DTNBP1: variants seen among roughly 807,000 people sequenced by gnomAD.
DTNBP1 encodes dysbindin.
In DTNBP1, 35 loss-of-function variants were observed where a neutral mutation model predicts 42.8. The observed-to-expected ratio is 0.82, with a 90% confidence interval of 0.63 to 1.09. The LOEUF (loss-of-function observed/expected upper bound fraction) is 1.09. DTNBP1 is among the 50% of genes least tolerant of loss of function. DTNBP1 has a pLI of 0.00. For synonymous variants in DTNBP1, 171 were observed against 162.2 expected (o/e 1.05, Z -0.41); for missense variants, 457 against 424.2 (o/e 1.08, Z -0.68).
chr6:15,523,271 C>A, intron 9 of DTNBP1, 52 bp from the exon 10 acceptor site: 1 of 1,610,028 alleles, frequency 6.2e-7, no homozygotes, highest in Non-Finnish European at 8.5e-7. Flanking sequence ...TATTGTGAAT[C>A]AGAATTGCCG....
At position 15,523,043 on chromosome 6, in the gene DTNBP1, T is replaced by C. The variant is rs759761673; in HGVS notation, c.988A>G (p.Thr330Ala). The C allele has an allele frequency of 3.1e-6, 5 of 1,614,074 alleles. No homozygotes were observed. The highest frequency in any genetic ancestry group is 1.7e-6 in the Non-Finnish European group (2 of 1,180,046). Residue 330 changes from threonine (T) to alanine (A), a missense_variant, in exon 10 of 10, where the codon ACT becomes GCT. Physicochemically the swap from Thr to Ala is moderately conservative, Grantham distance 58. Transcript: ENST00000344537. ...TCAGTGTGTGATGTGGCCAGGGCAG[T>C]GTCCACCTGAACTTCCTCCTCATCG... is the stretch of plus-strand genomic sequence containing the variant. Reference protein sequence around the residue: ...QSDEEEVQVDTALATSHTDRE... With the variant: ...QSDEEEVQVDAALATSHTDRE...
At chr6:15,585,973 TA>T in intron 7 of DTNBP1, 1 of 1,303,336 alleles carries the variant, frequency 7.7e-7, no homozygotes, top group African/African-American at 1.5e-5. Context: ...CTACTGCCTC[TA>T]TAAAAGCAAA....
intron 7 of DTNBP1, among the ~76,000 whole-genome samples, chr6:15,546,926 CTTT>C (rs10711026): frequency 1.1e-3 from 127 of 116,112 alleles, no homozygotes; most frequent in Middle Eastern, 8.8e-3. Flanking sequence ...TTCTTTCTTT[CTTT>C]TTTTTTTTTT....
chr6:15,523,072 T>A lies in DTNBP1; in HGVS notation c.959A>T (p.Gln320Leu). The A allele has an allele frequency of 1.9e-6, 3 of 1,614,186 alleles. No individual in the cohort carries two copies. The highest frequency in any genetic ancestry group is 2.5e-6 in the Non-Finnish European group (3 of 1,180,026). Residue 320 changes from glutamine to leucine, a missense_variant, in exon 10 of 10, where the codon CAG (glutamine) becomes CTG (leucine). Physicochemically the swap from Gln to Leu is moderately radical, Grantham distance 113. Coordinates refer to ENST00000344537, the MANE Select transcript of DTNBP1 (RefSeq NM_032122.5). ...CACCTGAACTTCCTCCTCATCGGAC[T>A]GAACAACGGGGGACTCCCCACCCTC... ...ISEGGESPVV[Q>L]SDEEEVQVDT...
chr6:15,540,664 T>G (rs1388868136), intron 7 of DTNBP1, among the ~76,000 whole-genome samples: 1 of 152,126 alleles, frequency 6.6e-6, no homozygotes, highest in Non-Finnish European at 1.5e-5. Flanking sequence ...TTTTTTGACA[T>G]GGAGTCTTGC....
At chr6:15,576,672 G>A (rs529567021) in intron 7 of DTNBP1, among the ~76,000 whole-genome samples, 1 of 151,448 alleles carries the variant, frequency 6.6e-6, no homozygotes, top group African/African-American at 2.4e-5. Flanking sequence ...AGGAGGCTGA[G>A]GCACGAGAAT....
At chr6:15,592,985 C>G in intron 7 of DTNBP1, 74 bp downstream of exon 7, 1 of 1,362,774 alleles carries the variant, frequency 7.3e-7, no homozygotes, top group Non-Finnish European at 1.0e-6. Context: ...TGAGTTTGTT[C>G]ATCATTGTCG....
intron 7 of DTNBP1, among the ~76,000 whole-genome samples, chr6:15,560,988 A>T (rs1459368492): frequency 6.6e-6 from 1 of 152,234 alleles, no homozygotes; most frequent in Non-Finnish European, 1.5e-5. Context: ...TTATTTTGCA[A>T]ACAAATCAAG....
intron 7 of DTNBP1, among the ~76,000 whole-genome samples, chr6:15,590,368 T>C (rs1776247652): frequency 1.3e-5 from 2 of 152,222 alleles, no homozygotes; most frequent in Admixed American, 1.3e-4. Flanking sequence ...ACTTATATTA[T>C]GGATAACCAC....
At chr6:15,590,301 A>T (rs1776244223) in intron 7 of DTNBP1, among the ~76,000 whole-genome samples, 1 of 152,086 alleles carries the variant, frequency 6.6e-6, no homozygotes, top group Non-Finnish European at 1.5e-5. Flanking sequence ...GTCACCAATG[A>T]CCTGTTCATT....
chr6:15,533,609 G>T, intron 7 of DTNBP1: 1 of 735,716 alleles, frequency 1.4e-6, no homozygotes, highest in Non-Finnish European at 2.4e-6. Flanking sequence ...CAGGCCCTTC[G>T]TTCCACACCT....
At chr6:15,545,304 T>C (rs944360888) in intron 7 of DTNBP1, among the ~76,000 whole-genome samples, 1 of 152,200 alleles carries the variant, frequency 6.6e-6, no homozygotes, top group Non-Finnish European at 1.5e-5. Context: ...CAATAATTAG[T>C]TTTCAAAACA....
Position 15,660,438 on chromosome 6 carries a change from C to A in DTNBP1, c.56+2376G>T, listed in dbSNP as rs985079189. 3 of 1,289,686 alleles carry A rather than the reference C, an allele frequency of 2.3e-6. No homozygotes were observed. The South Asian group carries it at 3.7e-5, about 16-fold the overall frequency. The allele number at this position is 1,289,686 out of a possible 1,614,324, so 79.9% of individuals were successfully genotyped here. A position where few individuals can be genotyped will look rare whatever the true frequency, so the allele number is the denominator to read the frequency against. Reference sequence around the variant, plus strand: ...TCCGGGTCTACTGGGAGACTGACATCACTTGGAGATGAGTTGTTTCTCCAC... The same window carrying A: ...TCCGGGTCTACTGGGAGACTGACATAACTTGGAGATGAGTTGTTTCTCCAC... On this transcript the variant is annotated intron_variant, in intron 1 of 9. Transcript: ENST00000344537.
At chr6:15,595,846 G>A (rs568171547) in intron 6 of DTNBP1, among the ~76,000 whole-genome samples, 2 of 152,318 alleles carry the variant, frequency 1.3e-5, no homozygotes, top group East Asian at 3.9e-4. Context: ...CTTCAGAACA[G>A]CAGGCTGAAT....
chr6:15,640,260 T>C (rs1760267164), intron 3 of DTNBP1, among the ~76,000 whole-genome samples: 1 of 152,200 alleles, frequency 6.6e-6, no homozygotes, highest in South Asian at 2.1e-4. Context: ...GTATTACACA[T>C]CTCATGCCGC....
chr6:15,648,547 G>A (rs1760811243), intron 3 of DTNBP1, among the ~76,000 whole-genome samples: 1 of 151,958 alleles, frequency 6.6e-6, no homozygotes, highest in Non-Finnish European at 1.5e-5. Context: ...ACTCAGCAAA[G>A]TATGATATTA....
intron 7 of DTNBP1, among the ~76,000 whole-genome samples, chr6:15,581,968 AG>A (rs1775860654): frequency 6.6e-6 from 1 of 152,160 alleles, no homozygotes; most frequent in African/African-American, 2.4e-5. Context: ...GAATCTTTCC[AG>A]GGTTCTGCAG....
At chr6:15,583,593 A>G (rs2743548) in intron 7 of DTNBP1, among the ~76,000 whole-genome samples, 1 of 152,276 alleles carries the variant, frequency 6.6e-6, no homozygotes, top group Non-Finnish European at 1.5e-5. Flanking sequence ...TAAGGCTGAC[A>G]GCTAAAATTT....
At chr6:15,574,871 C>T (rs1775497155) in intron 7 of DTNBP1, among the ~76,000 whole-genome samples, 1 of 152,306 alleles carries the variant, frequency 6.6e-6, no homozygotes, top group African/African-American at 2.4e-5. Flanking sequence ...AACCCTAAAA[C>T]AAGAGTGACA....
Sources: gnomAD v4.1 joint callset for allele counts (sites outside exome capture counted in the v4.1 genomes callset) on GRCh38, gnomAD v4.1.1 for gene constraint, MANE v1.5 for transcripts, NCBI Gene and HGNC (gene_info 2026-07-23, HGNC 2026-07-21) for gene names.